The following PEX13 variants were observed in gnomAD, a reference collection of about 807,000 sequenced individuals.
PEX13 encodes the protein peroxisome biogenesis factor 13.
Under a neutral mutation model 34.5 loss-of-function variants are expected in PEX13, and 28 were observed. The observed-to-expected ratio is 0.81, with a 90% CI of 0.60 to 1.11. PEX13 has a LOEUF of 1.11. PEX13 is among the 50% of genes most tolerant of loss of function. PEX13 has a pLI of 0.00. For synonymous variants in PEX13, 177 were observed against 175.1 expected, an observed-to-expected ratio of 1.01 and a Z score of -0.09; for missense variants, 550 against 491.0, an observed-to-expected ratio of 1.12 and a Z score of -1.13.
At chr2:61,042,126 TA>T (rs1309608709) in intron 2 of PEX13, among the ~76,000 whole-genome samples, 3 of 152,238 alleles carry the variant, frequency 2.0e-5, no homozygotes, top group African/African-American at 7.2e-5. Flanking sequence ...AAGAATGTTT[TA>T]AAAATTGAAA....
At chr2:61,028,703 C>G (rs1325650653) in intron 1 of PEX13, among the ~76,000 whole-genome samples, 1 of 151,540 alleles carries the variant, frequency 6.6e-6, no homozygotes, top group Non-Finnish European at 1.5e-5. Context: ...TAGGACATTT[C>G]TAGAAAAAAA....
Position 61,031,374 on chromosome 2 carries a change from T to G in PEX13, c.93-45T>G, listed in dbSNP as rs1458261103. 3 of 1,413,150 alleles carry G rather than the reference T, an allele frequency of 2.1e-6. No homozygotes were observed. In the Admixed American group the frequency reaches 5.1e-5, roughly 24 times the overall value. The allele number at this position is 1,413,150 out of a possible 1,614,324, so 87.5% of individuals were successfully genotyped here. On this transcript the variant is annotated intron_variant, in intron 1 of 3. Transcript: ENST00000295030. Reference sequence around the variant, plus strand: ...GTTTAATACTTACTTTGAATTGAATTTATTGTATGCTTAAATAACTGTTTT... The same window carrying G: ...GTTTAATACTTACTTTGAATTGAATGTATTGTATGCTTAAATAACTGTTTT...
intron 2 of PEX13, among the ~76,000 whole-genome samples, chr2:61,035,694 G>A (rs990795925): frequency 2.0e-5 from 3 of 152,014 alleles, no homozygotes; most frequent in Admixed American, 2.0e-4. Flanking sequence ...TTCAATAGCT[G>A]ATTCAATGGC....
intron 1 of PEX13, among the ~76,000 whole-genome samples, chr2:61,026,427 C>T (rs1043951952): frequency 6.6e-6 from 1 of 150,606 alleles, no homozygotes; most frequent in African/African-American, 2.5e-5. Context: ...TCACCTCAAC[C>T]TCTGTCCGCT....
intron 2 of PEX13, 87 bp from the exon 3 acceptor site, chr2:61,045,639 T>C: frequency 8.2e-7 from 1 of 1,220,670 alleles, no homozygotes. Context: ...TCTTGGCAAA[T>C]TTATGCAGTT....
At chr2:61,028,624 G>C (rs1368289089) in intron 1 of PEX13, among the ~76,000 whole-genome samples, 1 of 151,102 alleles carries the variant, frequency 6.6e-6, no homozygotes, top group Non-Finnish European at 1.5e-5. Context: ...TAACCTGAGG[G>C]GACCCGCCTG....
intron 3 of PEX13, among the ~76,000 whole-genome samples, chr2:61,047,276 C>T (rs1329364542): frequency 1.3e-5 from 2 of 152,164 alleles, no homozygotes; most frequent in Admixed American, 6.5e-5. Context: ...CTGCCTCAGC[C>T]TCCTGAGTTG....
rs554229085 is a variant in PEX13, at chr2:61,035,758, C to T, written c.787+3645C>T. The stretch of plus-strand genomic sequence containing the variant: ...CAGCACTTTGTGAGGCCAAGGCGGG[C>T]GGATCACCTGAGGTCGAGAGTTCGA... On this transcript the variant is annotated intron_variant, in intron 2 of 3. Transcript: ENST00000295030. Among the ~76,000 whole-genome samples, 9 of 152,048 alleles carry T rather than the reference C, an allele frequency of 5.9e-5. No individual in the cohort carries two copies. The East Asian group carries it at 9.7e-4, about 16-fold the overall frequency.
chr2:61,036,985 G>A (rs556442738), intron 2 of PEX13, among the ~76,000 whole-genome samples: 1 of 152,136 alleles, frequency 6.6e-6, no homozygotes, highest in Admixed American at 6.5e-5. Flanking sequence ...TGCAATCCTA[G>A]TCTCTGATAA....
At chr2:61,018,600 C>T (rs1680167276) in intron 1 of PEX13, 1 of 199,064 alleles carries the variant, frequency 5.0e-6, no homozygotes, top group Non-Finnish European at 1.0e-5. Flanking sequence ...CATCTTAATT[C>T]AGATAGGTGT....
Position 61,051,980 on chromosome 2 carries a change from GTTAAAC to G in PEX13, c.*3213_*3218del, listed in dbSNP as rs1680806590. On this transcript the variant is annotated 3_prime_UTR_variant, in exon 4 of 4. Coordinates refer to ENST00000295030, the MANE Select transcript of PEX13 (RefSeq NM_002618.4). ...ACTTTTACTGGAGAAATAAAAATAT[GTTAAAC>G]TTGATTGACTTTTTAAGATAAATTG... The G allele has an allele frequency of 6.6e-6, 1 of 152,290 alleles. No homozygotes were observed. The highest frequency in any genetic ancestry group is 6.5e-5 in the Admixed American group (1 of 15,276). The allele number at this position is 152,290 out of a possible 1,614,324, so 9.4% of individuals were successfully genotyped here.
chr2:61,037,761 C>T (rs1484823068), intron 2 of PEX13, among the ~76,000 whole-genome samples: 2 of 152,080 alleles, frequency 1.3e-5, no homozygotes, highest in Non-Finnish European at 2.9e-5. Flanking sequence ...TAACTAAGAT[C>T]AGAGCAAAAC....
At chr2:61,026,086 G>GT (rs941068130) in intron 1 of PEX13, among the ~76,000 whole-genome samples, 72 of 148,918 alleles carry the variant, frequency 4.8e-4, no homozygotes, top group African/African-American at 1.4e-3. Context: ...GGCTCTCTGG[G>GT]TTTTTTTTTT....
chr2:61,047,247 C>A (rs1157238255), intron 3 of PEX13, among the ~76,000 whole-genome samples: 2 of 152,120 alleles, frequency 1.3e-5, no homozygotes, highest in Non-Finnish European at 2.9e-5. Context: ...CCTCCGCCTC[C>A]CGGGTTCAAG....
At position 61,018,246 on chromosome 2, in the gene PEX13, C is replaced by T. The variant is rs1448777347; in HGVS notation, c.92+395C>T. On this transcript the variant is annotated intron_variant, in intron 1 of 3. Coordinates refer to ENST00000295030, the MANE Select transcript of PEX13 (RefSeq NM_002618.4). The stretch of plus-strand genomic sequence containing the variant: ...GTCCAGCCACGGCATCGACAGGGAG[C>T]AAAGTCTCTCCTTAAAGGTGTTAAC... The T allele has an allele frequency of 1.7e-5, 27 of 1,551,068 alleles. No individual in the cohort carries two copies. In the East Asian group the frequency reaches 6.1e-4, roughly 35 times the overall value.
chr2:61,018,375 C>G (rs1026734890), intron 1 of PEX13: 22 of 1,465,844 alleles, frequency 1.5e-5, no homozygotes, highest in African/African-American at 1.1e-4. Context: ...TGTTTCGGAT[C>G]GAGATTGGAG....
intron 1 of PEX13, among the ~76,000 whole-genome samples, chr2:61,027,802 G>A (rs1680386047): frequency 6.6e-6 from 1 of 152,034 alleles, no homozygotes; most frequent in Non-Finnish European, 1.5e-5. Flanking sequence ...TTATACTTGG[G>A]AGCAGAACTG....
At chr2:61,024,045 C>T (rs1246174932) in intron 1 of PEX13, among the ~76,000 whole-genome samples, 1 of 152,206 alleles carries the variant, frequency 6.6e-6, no homozygotes, top group Admixed American at 6.5e-5. Flanking sequence ...GATCTTCCCA[C>T]CTAGGTCTCC....
intron 3 of PEX13, among the ~76,000 whole-genome samples, chr2:61,047,929 T>C (rs1363710989): frequency 6.6e-6 from 1 of 152,218 alleles, no homozygotes; most frequent in Non-Finnish European, 1.5e-5. Flanking sequence ...ATTTATCATA[T>C]GGCTAGAAAT....
Sources: allele counts gnomAD v4.1 joint callset (sites outside exome capture counted in the v4.1 genomes callset), GRCh38; gene constraint gnomAD v4.1.1; transcripts MANE v1.5; gene names NCBI Gene and HGNC (gene_info 2026-07-23, HGNC 2026-07-21).